BIRC6: variants seen among roughly 807,000 people sequenced by gnomAD.
BIRC6 encodes the protein baculoviral IAP repeat containing 6.
BIRC6 carries 98 observed loss-of-function variants against 503.3 expected under a neutral mutation model. The observed-to-expected ratio is 0.19, with a 90% CI of 0.17 to 0.23. The LOEUF is 0.23. Ranked by LOEUF, BIRC6 falls within the 10% of genes least tolerant of loss-of-function variation. The probability of loss-of-function intolerance (pLI) is 1.00; values close to 1 mark genes in which losing one functional copy is unlikely to be tolerated. For synonymous variants in BIRC6, 2,240 were observed against 2,078.7 expected, an observed-to-expected ratio of 1.08 and a Z score of -2.11; for missense variants, 5,360 against 5,806.0, an observed-to-expected ratio of 0.92 and a Z score of 2.50.
chr2:32,395,626 A>G, intron 6 of BIRC6, 33 bp downstream of exon 6: 1 of 1,526,834 alleles, frequency 6.5e-7, no homozygotes, highest in Non-Finnish European at 9.0e-7. Flanking sequence ...ATAATAGGCT[A>G]AGTCAGTCGT....
chr2:32,412,003 C>T (rs917950197), intron 9 of BIRC6, among the ~76,000 whole-genome samples: 45 of 151,888 alleles, frequency 3.0e-4, no homozygotes, highest in African/African-American at 9.4e-4. Context: ...TGGTCTTGAA[C>T]GGAACTCCTA....
Position 32,460,998 on chromosome 2 carries a change from C to CTCTCTTCTCTTCTCTTCTCT in BIRC6, c.4754-2147_4754-2128dup, listed in dbSNP as rs1244077881. The stretch of plus-strand genomic sequence containing the variant: ...GATGCAATTGCTCTGCTCTGCTCTG[C>CTCTCTTCTCTTCTCTTCTCT]TCTCTTCTCTTCTCTTCTCTTCTCT... On this transcript the variant is annotated intron_variant, in intron 23 of 73. Transcript: ENST00000421745. Among the ~76,000 whole-genome samples, 492 of 88,732 alleles carry CTCTCTTCTCTTCTCTTCTCT rather than the reference C, an allele frequency of 5.5e-3. 15 individuals are homozygous for CTCTCTTCTCTTCTCTTCTCT. Among genetic ancestry groups the CTCTCTTCTCTTCTCTTCTCT allele is most frequent in the Non-Finnish European group, 6.7e-3 (288 of 43,080 alleles). The allele number at this position is 88,732 out of a possible 152,430, so 58.2% of individuals were successfully genotyped here. A position where few individuals can be genotyped will look rare whatever the true frequency, so the allele number is the denominator to read the frequency against.
intron 65 of BIRC6, among the ~76,000 whole-genome samples, chr2:32,567,847 A>G (rs2059634344): frequency 6.6e-6 from 1 of 152,218 alleles, no homozygotes; most frequent in Admixed American, 6.5e-5. Flanking sequence ...CACGCCTGTA[A>G]TCCCAACACT....
intron 66 of BIRC6, among the ~76,000 whole-genome samples, chr2:32,589,174 T>C (rs761487073): frequency 1.2e-4 from 19 of 152,198 alleles, no homozygotes; most frequent in African/African-American, 4.1e-4. Flanking sequence ...AAAAATCTTA[T>C]TTGCTGCCAG....
rs951704155 is a variant in BIRC6, at chr2:32,567,629, T to G, written c.13145-7527T>G. Among the ~76,000 whole-genome samples the G allele has an allele frequency of 5.3e-5, 8 of 152,342 alleles. No individual in the cohort carries two copies. The South Asian group carries it at 1.7e-3, about 32-fold the overall frequency. On this transcript the variant is annotated intron_variant, in intron 65 of 73. Coordinates refer to ENST00000421745, the MANE Select transcript of BIRC6 (RefSeq NM_016252.4). The stretch of plus-strand genomic sequence containing the variant: ...GCACTAAAGCTAAATGTACCAAGTT[T>G]TCACTGTTGGTCTTCTTACTTCCTA...
intron 10 of BIRC6, among the ~76,000 whole-genome samples, chr2:32,424,783 G>T (rs947695915): frequency 2.0e-5 from 3 of 152,138 alleles, no homozygotes; most frequent in African/African-American, 7.2e-5. Flanking sequence ...AACGTGCTGG[G>T]ATTACAGGTG....
intron 61 of BIRC6, chr2:32,532,315 G>A (rs975728011): frequency 6.4e-6 from 3 of 468,950 alleles, no homozygotes; most frequent in Non-Finnish European, 4.4e-6. Flanking sequence ...GATATCAGCA[G>A]GGCCATGCTC....
intron 24 of BIRC6, 115 bp downstream of exon 24, chr2:32,463,496 A>G (rs2048213135): frequency 2.0e-6 from 2 of 1,021,622 alleles, no homozygotes; most frequent in Admixed American, 3.5e-5. Context: ...GATCTGAGCT[A>G]ATCAGTTTCA....
At chr2:32,390,065 G>T (rs1306153248) in intron 4 of BIRC6, among the ~76,000 whole-genome samples, 1 of 152,090 alleles carries the variant, frequency 6.6e-6, no homozygotes, top group Non-Finnish European at 1.5e-5. Flanking sequence ...TCTCTGTGTT[G>T]GTCAGGCTGG....
At chr2:32,571,813 C>CTAGAA (rs1573093785) in intron 65 of BIRC6, among the ~76,000 whole-genome samples, 4 of 152,034 alleles carry the variant, frequency 2.6e-5, no homozygotes, top group East Asian at 1.9e-4. Context: ...CCTTGAGGTA[C>CTAGAA]ATGTAAGATT....
intron 64 of BIRC6, 90 bp from the exon 65 acceptor site, chr2:32,549,223 C>A: frequency 1.2e-6 from 1 of 860,694 alleles, no homozygotes; most frequent in Non-Finnish European, 1.7e-6. Context: ...AAAATATGTA[C>A]TCTTAGTATT....
In BIRC6 at chr2:32,617,798, A is replaced by T. The variant is rs776035733; in HGVS notation, c.14468A>T (p.Asp4823Val). The T allele has an allele frequency of 6.2e-7, 1 of 1,614,010 alleles. No individual in the cohort carries two copies. Among genetic ancestry groups the T allele is most frequent in the South Asian group, 1.1e-5 (1 of 91,066 alleles). Reference protein sequence around the residue: ...CPEGLDPDTDDAPEVCRATTG... With the variant: ...CPEGLDPDTDVAPEVCRATTG... ...GAAGGCTTGGATCCTGACACTGACG[A>T]TGCCCCAGAGGTGTGCAGAGCCACA... The change falls in exon 74 of 74, where the codon GAT becomes GTT. Residue 4823 changes from aspartate (D) to valine (V), a missense_variant. By Grantham distance (152) the Asp-to-Val change is radical. This residue lies in a region of BIRC6 where 140 missense variants were observed against 130.2 expected (regional missense o/e 1.07). Coordinates refer to ENST00000421745, the MANE Select transcript of BIRC6 (RefSeq NM_016252.4).
chr2:32,533,897 G>A (rs1278618288), intron 61 of BIRC6, among the ~76,000 whole-genome samples: 1 of 152,190 alleles, frequency 6.6e-6, no homozygotes, highest in African/African-American at 2.4e-5. Context: ...GAGCCACTGA[G>A]TTTGTGGCAA....
In BIRC6 at chr2:32,397,658, A is replaced by G. The variant is rs574447274; in HGVS notation, c.1034+2065A>G. On this transcript the variant is annotated intron_variant, in intron 6 of 73. Coordinates refer to ENST00000421745, the MANE Select transcript of BIRC6 (RefSeq NM_016252.4). ...TATATATACACACACACACACATATATGTGTATATATATATACACACACAC... is the reference window on the plus strand; with the variant it reads ...TATATATACACACACACACACATATGTGTGTATATATATATACACACACAC... Among the ~76,000 whole-genome samples, 51 of 134,048 alleles carry G rather than the reference A, an allele frequency of 3.8e-4. No homozygotes were observed. The South Asian group carries it at 4.2e-3, about 11-fold the overall frequency. The allele number at this position is 134,048 out of a possible 152,430, so 87.9% of individuals were successfully genotyped here.
chr2:32,594,340 A>C, intron 67 of BIRC6: 1 of 274,336 alleles, frequency 3.6e-6, no homozygotes, highest in South Asian at 7.8e-5. Context: ...AATTGAAAAA[A>C]TGCCTTTATA....
intron 65 of BIRC6, among the ~76,000 whole-genome samples, chr2:32,566,954 AT>A (rs1436400955): frequency 6.6e-6 from 1 of 152,152 alleles, no homozygotes; most frequent in Admixed American, 6.5e-5. Context: ...GAATGAAGAC[AT>A]TACTCTTTTC....
In BIRC6 at chr2:32,501,662, C is replaced by T. The variant is rs377225155; in HGVS notation, c.9032-51C>T. ...TTGAGATTACAGGCATGAGCCACTG[C>T]GCCTGGCTGGATATATATACTTTTA... On this transcript the variant is annotated intron_variant, in intron 46 of 73. Coordinates refer to ENST00000421745, the MANE Select transcript of BIRC6 (RefSeq NM_016252.4). 9.1e-5 allele frequency: 136 copies of T among 1,486,412 alleles called. No homozygotes were observed. The African/African-American group carries it at 1.4e-3, about 16-fold the overall frequency. 92.1% of individuals were successfully genotyped at this position (1,486,412 alleles called of 1,614,324 possible).
chr2:32,451,047 C>A (rs2046661873), intron 22 of BIRC6, among the ~76,000 whole-genome samples: 1 of 152,200 alleles, frequency 6.6e-6, no homozygotes, highest in African/African-American at 2.4e-5. Flanking sequence ...CCCATGATCA[C>A]AAGTTACAGT....
At chr2:32,358,263 C>T (rs2033494485) in intron 1 of BIRC6, among the ~76,000 whole-genome samples, 2 of 152,160 alleles carry the variant, frequency 1.3e-5, no homozygotes, top group African/African-American at 4.8e-5. Flanking sequence ...GCTGTCTCTA[C>T]TTGTTTTCCC....
Sources: gnomAD v4.1 joint callset for allele counts (sites outside exome capture counted in the v4.1 genomes callset) on GRCh38, gnomAD v4.1.1 for gene constraint, gnomAD v4.1.1 regional missense constraint, MANE v1.5 for transcripts, NCBI Gene and HGNC (gene_info 2026-07-23, HGNC 2026-07-21) for gene names.